NAALADL2: variants seen among roughly 807,000 people sequenced by gnomAD.
NAALADL2 encodes inactive N-acetylated-alpha-linked acidic dipeptidase-like protein 2.
NAALADL2 carries 76 observed loss-of-function variants against 87.2 expected under a neutral mutation model. The observed-to-expected ratio is 0.87, with a 90% CI of 0.72 to 1.05. NAALADL2 has a LOEUF of 1.05. NAALADL2 is among the 50% of genes least tolerant of loss of function. The pLI, the probability that NAALADL2 is intolerant of heterozygous loss-of-function variation, is 0.00. For synonymous variants in NAALADL2, 354 were observed against 331.0 expected (o/e 1.07, Z -0.75); for missense variants, 1,089 against 945.8 (o/e 1.15, Z -1.99).
rs527800472 is a variant in NAALADL2 at position 175,506,393 on chromosome 3, C to T, written c.1653+34635C>T. 2.3e-3 allele frequency among the ~76,000 whole-genome samples: 345 copies of T among 152,178 alleles called. 4 individuals are homozygous for T. The highest frequency in any genetic ancestry group is 0.017 in the Middle Eastern group (5 of 292). On this transcript the variant is annotated intron_variant, in intron 9 of 13. Transcript: ENST00000454872. ...GGTTCATGCAATTTATGTTCATTTT[C>T]GATAATATTGTACAACATTTAGGAA... is the stretch of plus-strand genomic sequence containing the variant.
intron 5 of NAALADL2, among the ~76,000 whole-genome samples, chr3:175,429,712 G>T (rs531790376): frequency 6.6e-6 from 1 of 151,794 alleles, no homozygotes; most frequent in Non-Finnish European, 1.5e-5. Context: ...ATTTAGATTC[G>T]TCTAAGTATA....
chr3:174,912,647 C>A (rs911162444), intron 1 of NAALADL2, among the ~76,000 whole-genome samples: 2 of 152,120 alleles, frequency 1.3e-5, no homozygotes, highest in African/African-American at 4.8e-5. Context: ...AACTTAATGG[C>A]TTTCAATGTT....
rs551660381 is a variant in NAALADL2 at position 174,767,819 on chromosome 3, A to G, written c.-9+30073A>G. Among the ~76,000 whole-genome samples, 3 of 152,328 alleles carry G rather than the reference A, an allele frequency of 2.0e-5. No homozygotes were observed. In the South Asian group the frequency reaches 6.2e-4, roughly 32 times the overall value. ...TGTTTATATGTTTGTTTTCCTGTGAAGTTCCTCATAGAGAGTTGAATGAAT... is the reference window on the plus strand; with the variant it reads ...TGTTTATATGTTTGTTTTCCTGTGAGGTTCCTCATAGAGAGTTGAATGAAT... On this transcript the variant is annotated intron_variant, in intron 3 of 3. Transcript: ENST00000434257.
chr3:175,365,291 T>C (rs1332658419), intron 5 of NAALADL2, among the ~76,000 whole-genome samples: 1 of 147,596 alleles, frequency 6.8e-6, no homozygotes, highest in Admixed American at 7.0e-5. Context: ...TACATATTAA[T>C]ATAAAATAAA....
At chr3:175,187,850 C>T (rs868808038) in intron 2 of NAALADL2, among the ~76,000 whole-genome samples, 9 of 152,080 alleles carry the variant, frequency 5.9e-5, no homozygotes, top group African/African-American at 2.2e-4. Flanking sequence ...TGAACATGAT[C>T]CTTGCCTACA....
At chr3:174,935,335 A>G (rs756491692) in intron 1 of NAALADL2, among the ~76,000 whole-genome samples, 1 of 152,236 alleles carries the variant, frequency 6.6e-6, no homozygotes, top group Non-Finnish European at 1.5e-5. Flanking sequence ...ACATTCATGT[A>G]GAATGAACAT....
At chr3:174,890,332 C>T (rs1384015560) in intron 1 of NAALADL2, among the ~76,000 whole-genome samples, 1 of 151,978 alleles carries the variant, frequency 6.6e-6, no homozygotes, top group East Asian at 1.9e-4. Flanking sequence ...ATACAGAGAA[C>T]AGTTCTCTGG....
intron 1 of NAALADL2, among the ~76,000 whole-genome samples, chr3:174,958,312 C>T (rs1741452341): frequency 6.6e-6 from 1 of 151,610 alleles, no homozygotes; most frequent in Non-Finnish European, 1.5e-5. Context: ...ATTAGATGCC[C>T]AATAGCTATT....
chr3:175,760,090 C>T (rs1352205409), intron 13 of NAALADL2, among the ~76,000 whole-genome samples: 1 of 152,020 alleles, frequency 6.6e-6, no homozygotes, highest in Non-Finnish European at 1.5e-5. Flanking sequence ...GAATGAAGAG[C>T]AAAGGACCAA....
chr3:174,666,428 G>A (rs933130761), intron 2 of NAALADL2, among the ~76,000 whole-genome samples: 4 of 134,002 alleles, frequency 3.0e-5, no homozygotes, highest in South Asian at 2.3e-4. Flanking sequence ...TAGCTATATC[G>A]TAGCATAAAA....
intron 2 of NAALADL2, among the ~76,000 whole-genome samples, chr3:174,648,735 C>T (rs1724056078): frequency 6.6e-6 from 1 of 152,074 alleles, no homozygotes; most frequent in South Asian, 2.1e-4. Flanking sequence ...AGCTTTCACA[C>T]TCTACTTTTA....
Position 175,803,785 on chromosome 3 carries a change from T to A in NAALADL2, c.*582T>A. Reference sequence around the variant, plus strand: ...ACACTGGTTATGAAATTGTATTTTTTTAAGTATTAATGAAAAAAGAGCCAT... The same window carrying A: ...ACACTGGTTATGAAATTGTATTTTTATAAGTATTAATGAAAAAAGAGCCAT... On this transcript the variant is annotated 3_prime_UTR_variant, in exon 14 of 14. Transcript: ENST00000454872. The A allele has an allele frequency of 6.6e-6, 1 of 152,368 alleles. No individual in the cohort carries two copies. Among genetic ancestry groups the A allele is most frequent in the Non-Finnish European group, 1.5e-5 (1 of 67,922 alleles). 9.4% of individuals were successfully genotyped at this position (152,368 alleles called of 1,614,324 possible). A position where few individuals can be genotyped will look rare whatever the true frequency, so the allele number is the denominator to read the frequency against.
chr3:174,992,413 T>G (rs1355519424), intron 1 of NAALADL2, among the ~76,000 whole-genome samples: 1 of 152,116 alleles, frequency 6.6e-6, no homozygotes, highest in Non-Finnish European at 1.5e-5. Context: ...GTAAATATTT[T>G]AAACTCACAA....
intron 2 of NAALADL2, among the ~76,000 whole-genome samples, chr3:174,576,789 G>A (rs1284087468): frequency 2.6e-5 from 4 of 152,118 alleles, no homozygotes; most frequent in African/African-American, 9.7e-5. Context: ...CATATTTTAA[G>A]AGAAGTAAAA....
At chr3:175,016,350 A>T (rs1295214486) in intron 1 of NAALADL2, among the ~76,000 whole-genome samples, 1 of 150,746 alleles carries the variant, frequency 6.6e-6, no homozygotes, top group Non-Finnish European at 1.5e-5. Context: ...TCATTACAAC[A>T]TTACAACAGT....
intron 9 of NAALADL2, among the ~76,000 whole-genome samples, chr3:175,567,887 T>G (rs1367779641): frequency 6.6e-6 from 1 of 152,086 alleles, no homozygotes; most frequent in Admixed American, 6.5e-5. Flanking sequence ...CGCTAATTTT[T>G]GTATTTTTGG....
At chr3:175,368,654 A>G (rs902557131) in intron 5 of NAALADL2, among the ~76,000 whole-genome samples, 4 of 151,880 alleles carry the variant, frequency 2.6e-5, no homozygotes, top group African/African-American at 4.8e-5. Flanking sequence ...AATAATGGAG[A>G]TGCTTTCTGA....
intron 2 of NAALADL2, among the ~76,000 whole-genome samples, chr3:174,554,480 T>C (rs559739233): frequency 6.6e-6 from 1 of 152,146 alleles, no homozygotes; most frequent in African/African-American, 2.4e-5. Flanking sequence ...TTTTCTTTAC[T>C]CTTTCTCCTT....
intron 11 of NAALADL2, among the ~76,000 whole-genome samples, chr3:175,685,018 G>A (rs181186225): frequency 3.6e-3 from 553 of 152,238 alleles, no homozygotes; most frequent in Non-Finnish European, 5.7e-3. Flanking sequence ...TATAGGAGAG[G>A]TTTGCATAAT....
Sources: allele counts gnomAD v4.1 joint callset (sites outside exome capture counted in the v4.1 genomes callset), GRCh38; gene constraint gnomAD v4.1.1; transcripts MANE v1.5; gene names NCBI Gene and HGNC (gene_info 2026-07-23, HGNC 2026-07-21).